Variants in LUZP2 observed in about 807,000 individuals in gnomAD.
The protein encoded by LUZP2 is leucine zipper protein 2.
LUZP2 carries 52 observed loss-of-function variants against 51.6 expected under a neutral mutation model. The ratio of observed to expected loss-of-function variants is 1.01; its 90% CI spans 0.81 to 1.27. The LOEUF is 1.27. Ranked by LOEUF, LUZP2 falls within the 50% of genes most tolerant of loss-of-function variation. The probability of loss-of-function intolerance (pLI) is 0.00; values close to 1 mark genes in which losing one functional copy is unlikely to be tolerated. For missense variants in LUZP2, 436 were observed against 395.4 expected (o/e 1.10, Z -0.87); for synonymous variants, 154 against 137.3 (o/e 1.12, Z -0.85).
At chr11:24,673,078 C>G (rs760038481) in intron 1 of LUZP2, among the ~76,000 whole-genome samples, 5 of 152,136 alleles carry the variant, frequency 3.3e-5, no homozygotes, top group Non-Finnish European at 5.9e-5. Flanking sequence ...CAAAACCATC[C>G]TCCCAACATA....
At chr11:25,051,248 T>C (rs1045453783) in intron 10 of LUZP2, among the ~76,000 whole-genome samples, 1 of 151,028 alleles carries the variant, frequency 6.6e-6, no homozygotes, top group African/African-American at 2.4e-5. Flanking sequence ...ACCCGGGAGA[T>C]GGAGCTTGCA....
At chr11:24,927,812 G>T (rs1590742372) in intron 7 of LUZP2, among the ~76,000 whole-genome samples, 2 of 151,916 alleles carry the variant, frequency 1.3e-5, no homozygotes, top group Non-Finnish European at 2.9e-5. Context: ...CACTGAATTT[G>T]TAAGTGGCTT....
chr11:25,001,904 G>T (rs1565212832), intron 9 of LUZP2, among the ~76,000 whole-genome samples: 1 of 151,940 alleles, frequency 6.6e-6, no homozygotes, highest in Admixed American at 6.6e-5. Flanking sequence ...TCTGCCAGCT[G>T]CTTGTACTGC....
At chr11:24,714,853 AG>A (rs1176078248) in intron 1 of LUZP2, among the ~76,000 whole-genome samples, 2 of 152,152 alleles carry the variant, frequency 1.3e-5, no homozygotes, top group African/African-American at 2.4e-5. Flanking sequence ...GATGAAGTTT[AG>A]ATCTCCACCA....
intron 9 of LUZP2, among the ~76,000 whole-genome samples, chr11:25,022,870 T>C (rs1857381271): frequency 6.6e-6 from 1 of 152,122 alleles, no homozygotes; most frequent in Admixed American, 6.6e-5. Flanking sequence ...GGCTGTTGAA[T>C]TTTGTTGAAG....
chr11:24,582,005 G>T (rs61877889), intron 1 of LUZP2, among the ~76,000 whole-genome samples: 25 of 152,094 alleles, frequency 1.6e-4, no homozygotes, highest in Non-Finnish European at 2.8e-4. Context: ...CGCTGGACAT[G>T]CTTTCTTCTG....
rs756179757 is a variant in LUZP2 at position 24,729,171 on chromosome 11, A to T, written c.65A>T (p.Gln22Leu). 6.5e-7 allele frequency: 1 copy of T among 1,529,958 alleles called. No individual in the cohort carries two copies. Among genetic ancestry groups the T allele is most frequent in the South Asian group, 1.2e-5 (1 of 80,842 alleles). 94.8% of individuals were successfully genotyped at this position (1,529,958 alleles called of 1,614,324 possible). The change falls in exon 2 of 12, where the codon CAG becomes CTG. Residue 22 changes from glutamine to leucine, a missense_variant and splice_region_variant. Gln to Leu is a moderately radical substitution (Grantham distance 113). Transcript: ENST00000336930. ...CATGCCTGTTCTTTCTGTGTTAGAC[A>T]GGACTATGAAGAGCTAGAAAAGCAG... is the stretch of plus-strand genomic sequence containing the variant. ...LLPALVLSTR[Q>L]DYEELEKQLK...
In LUZP2 at chr11:24,729,249, C is replaced by T. The variant is rs759915899; in HGVS notation, c.143C>T (p.Thr48Ile). ...RSTILRQLTK[T>I]SRELDGIKVN... is the part of the protein sequence containing the mutation. Reference sequence around the variant, plus strand: ...ACCATTCTTCGTCAGCTGACAAAGACATCAAGAGAACTTGATGGAATTAAA... The same window carrying T: ...ACCATTCTTCGTCAGCTGACAAAGATATCAAGAGAACTTGATGGAATTAAA... The change falls in exon 2 of 12, where the codon ACA becomes ATA. Residue 48 changes from threonine (T) to isoleucine (I), a missense_variant. Thr to Ile is a moderately conservative substitution (Grantham distance 89). Transcript: ENST00000336930. 14 of 1,567,890 alleles carry T rather than the reference C, an allele frequency of 8.9e-6. No homozygotes were observed. The highest frequency in any genetic ancestry group is 1.2e-5 in the Non-Finnish European group (14 of 1,149,840).
In LUZP2 at chr11:24,926,363, A is replaced by G. The variant is rs201053696; in HGVS notation, c.522+11825A>G. 2.3e-3 allele frequency among the ~76,000 whole-genome samples: 102 copies of G among 44,374 alleles called. 1 individual carries two copies. The highest frequency in any genetic ancestry group is 3.7e-3 in the African/African-American group (33 of 9,004). 29.1% of individuals were successfully genotyped at this position (44,374 alleles called of 152,430 possible). A position where few individuals can be genotyped will look rare whatever the true frequency, so the allele number is the denominator to read the frequency against. On this transcript the variant is annotated intron_variant, in intron 7 of 11. Transcript: ENST00000336930. ...TACGTGTGTATATATATACGTGTGT[A>G]TATATATATACGTGTGTATATATAT...
At chr11:24,802,625 C>A (rs922037970) in intron 5 of LUZP2, among the ~76,000 whole-genome samples, 1 of 151,934 alleles carries the variant, frequency 6.6e-6, no homozygotes, top group African/African-American at 2.4e-5. Context: ...AAAACTGAAA[C>A]TCTGTGCCTA....
At chr11:24,709,979 C>T (rs1857752138) in intron 1 of LUZP2, among the ~76,000 whole-genome samples, 1 of 152,116 alleles carries the variant, frequency 6.6e-6, no homozygotes. Context: ...TTCAATCCTC[C>T]TGTTATATGC....
Position 24,988,739 on chromosome 11 carries a change from A to G in LUZP2, c.765+5446A>G, listed in dbSNP as rs181821435. ...ATGTTTTTCCTGAATCATACATTTAATAACTATGTATTAAGTAATTTGAGT... is the reference window on the plus strand; with the variant it reads ...ATGTTTTTCCTGAATCATACATTTAGTAACTATGTATTAAGTAATTTGAGT... On this transcript the variant is annotated intron_variant, in intron 9 of 11. Coordinates refer to ENST00000336930, the MANE Select transcript of LUZP2 (RefSeq NM_001009909.4). Among the ~76,000 whole-genome samples, 69 of 152,164 alleles carry G rather than the reference A, an allele frequency of 4.5e-4. 1 individual carries two copies. In the East Asian group the frequency reaches 9.7e-3, roughly 21 times the overall value.
intron 1 of LUZP2, among the ~76,000 whole-genome samples, chr11:24,504,610 A>C (rs901457421): frequency 6.6e-6 from 1 of 152,184 alleles, no homozygotes. Context: ...AGTCCCTCAG[A>C]ATATGCTAAG....
At chr11:24,579,717 C>T (rs1852782489) in intron 1 of LUZP2, among the ~76,000 whole-genome samples, 2 of 151,986 alleles carry the variant, frequency 1.3e-5, no homozygotes, top group Admixed American at 1.3e-4. Flanking sequence ...AGTTAAGTGT[C>T]ATCTGGAAAT....
chr11:24,689,894 C>A (rs1857016559), intron 1 of LUZP2, among the ~76,000 whole-genome samples: 1 of 152,020 alleles, frequency 6.6e-6, no homozygotes, highest in African/African-American at 2.4e-5. Flanking sequence ...TACTTCTCAA[C>A]CCCTTTACTA....
intron 5 of LUZP2, among the ~76,000 whole-genome samples, chr11:24,857,779 CCT>C (rs1279088467): frequency 6.6e-6 from 1 of 151,932 alleles, no homozygotes; most frequent in East Asian, 1.9e-4. Context: ...CACCTCCACC[CCT>C]GATTCCTACC....
intron 9 of LUZP2, among the ~76,000 whole-genome samples, chr11:25,005,905 T>C (rs535037365): frequency 2.0e-5 from 3 of 152,172 alleles, no homozygotes; most frequent in Admixed American, 6.5e-5. Flanking sequence ...AGTATCGGGA[T>C]CTTACCCCTG....
At chr11:24,898,030 A>T (rs181574231) in intron 5 of LUZP2, among the ~76,000 whole-genome samples, 5 of 152,282 alleles carry the variant, frequency 3.3e-5, no homozygotes, top group African/African-American at 1.2e-4. Flanking sequence ...TTCAGTTTTA[A>T]CAGATGCCTA....
chr11:24,882,603 A>C (rs1357395211), intron 5 of LUZP2, among the ~76,000 whole-genome samples: 1 of 152,030 alleles, frequency 6.6e-6, no homozygotes, highest in Non-Finnish European at 1.5e-5. Flanking sequence ...TGCTATGTCT[A>C]TTCCTTCCTC....
Sources: gnomAD v4.1 joint callset for allele counts (sites outside exome capture counted in the v4.1 genomes callset) on GRCh38, gnomAD v4.1.1 for gene constraint, MANE v1.5 for transcripts, NCBI Gene and HGNC (gene_info 2026-07-23, HGNC 2026-07-21) for gene names.